Variants in TBC1D2 observed in about 807,000 individuals in gnomAD.
TBC1D2 encodes TBC1 domain family member 2, also known as TBC1 domain family member 2A.
Under a neutral mutation model 91.1 loss-of-function variants are expected in TBC1D2, and 58 were observed. The ratio of observed to expected loss-of-function variants is 0.64; its 90% CI spans 0.52 to 0.79. The LOEUF (loss-of-function observed/expected upper bound fraction) is 0.79, where lower values mean the gene tolerates loss of function less well. TBC1D2 is among the 30% of genes least tolerant of loss of function. The pLI is 0.00. For missense variants in TBC1D2, 1,080 were observed against 1,208.3 expected (o/e 0.89, Z 1.57); for synonymous variants, 482 against 511.5 (o/e 0.94, Z 0.78).
intron 5 of TBC1D2, among the ~76,000 whole-genome samples, 180 bp from the exon 6 acceptor site, chr9:98,221,408 C>A (rs1324269357): frequency 6.6e-6 from 1 of 152,224 alleles, no homozygotes; most frequent in Non-Finnish European, 1.5e-5. Context: ...TAGCTGGGCA[C>A]ATGGTTCCCC....
At chr9:98,211,951 C>T (rs1459772561) in intron 7 of TBC1D2, among the ~76,000 whole-genome samples, 1 of 152,144 alleles carries the variant, frequency 6.6e-6, no homozygotes, top group South Asian at 2.1e-4. Context: ...GTGTGCACCA[C>T]CACGCCCAGC....
chr9:98,227,596 A>G (rs1483377760), intron 5 of TBC1D2, among the ~76,000 whole-genome samples: 1 of 138,512 alleles, frequency 7.2e-6, no homozygotes, highest in Admixed American at 7.0e-5. Context: ...GTCTCTAATA[A>G]AAATACTAAA....
chr9:98,232,340 C>CTTTTTTTTTTTTTTTTTTTTTTTTTTTTT (rs1554754378), intron 4 of TBC1D2, among the ~76,000 whole-genome samples: 1 of 52,048 alleles, frequency 1.9e-5, no homozygotes, highest in African/African-American at 1.6e-4. Context: ...TTCTCTTTTT[C>CTTTTTTTTTTTTTTTTTTTTTTTTTTTTT]TGTTTTTTTT....
At position 98,244,075 on chromosome 9, in the gene TBC1D2, C is replaced by G. The variant is rs964771340; in HGVS notation, c.566G>C (p.Gly189Ala). The change falls in exon 3 of 13, where the codon GGG becomes GCG. Residue 189 changes from glycine to alanine, a missense_variant. Transcript: ENST00000465784. ...EFLCPVKTPP[G>A]LVGVAAALQP... Reference sequence around the variant, plus strand: ...CAAGGCAGCTGCCACGCCCACTAGCCCAGGGGGTGTTTTCACAGGGCACAG... The same window carrying G: ...CAAGGCAGCTGCCACGCCCACTAGCGCAGGGGGTGTTTTCACAGGGCACAG... 1 of 1,613,178 alleles carries G rather than the reference C, an allele frequency of 6.2e-7. No individual in the cohort carries two copies. The highest frequency in any genetic ancestry group is 8.5e-7 in the Non-Finnish European group (1 of 1,179,646).
At chr9:98,223,409 C>A (rs1233336152) in intron 5 of TBC1D2, among the ~76,000 whole-genome samples, 3 of 152,104 alleles carry the variant, frequency 2.0e-5, no homozygotes. Flanking sequence ...GATTGCAAAC[C>A]AAAAGGGAAT....
intron 1 of TBC1D2, among the ~76,000 whole-genome samples, chr9:98,254,151 G>C (rs374423401): frequency 6.6e-6 from 1 of 152,160 alleles, no homozygotes; most frequent in South Asian, 2.1e-4. Flanking sequence ...CACTTAGCTG[G>C]AGTTGGGGTT....
Position 98,244,733 on chromosome 9 carries a change from A to G in TBC1D2, c.512-604T>C, listed in dbSNP as rs574305824. ...TCTGAGAGTCCATCCTAAAGATGGA[A>G]GTGCAGACAAAACTTTATGTGCCAA... On this transcript the variant is annotated intron_variant, in intron 2 of 12. Transcript: ENST00000465784. 2.6e-5 allele frequency among the ~76,000 whole-genome samples: 4 copies of G among 151,124 alleles called. No homozygotes were observed. In the South Asian group the frequency reaches 6.3e-4, roughly 24 times the overall value.
At chr9:98,244,352 A>C (rs890664069) in intron 2 of TBC1D2, among the ~76,000 whole-genome samples, 3 of 152,196 alleles carry the variant, frequency 2.0e-5, no homozygotes, top group African/African-American at 7.2e-5. Context: ...GCCCTCCTGC[A>C]AACCCCTTAA....
At position 98,208,860 on chromosome 9, in the gene TBC1D2, T is replaced by C; in HGVS notation, c.1958A>G (p.Gln653Arg). 1 of 1,613,254 alleles carries C rather than the reference T, an allele frequency of 6.2e-7. No homozygotes were observed. ...GGCCTGGCCCCGGCTCAGCAGTTCCTGGTAGCAGCCTGGAGTGTGCAGGTG... is the reference window on the plus strand; with the variant it reads ...GGCCTGGCCCCGGCTCAGCAGTTCCCGGTAGCAGCCTGGAGTGTGCAGGTG... ...VQHLHTPGCY[Q>R]ELLSRGQARE... is the part of the protein sequence containing the mutation. The change falls in exon 9 of 13, where the codon CAG becomes CGG. Residue 653 changes from glutamine to arginine, a missense_variant. By Grantham distance (43) the Gln-to-Arg change is conservative. Coordinates refer to ENST00000465784, the MANE Select transcript of TBC1D2 (RefSeq NM_001267571.2).
At position 98,252,996 on chromosome 9, in the gene TBC1D2, ACT is replaced by A. The variant is rs1158326026; in HGVS notation, c.370-1072_370-1071del. On this transcript the variant is annotated intron_variant, in intron 1 of 12. Transcript: ENST00000465784. Reference sequence around the variant, plus strand: ...GCCCACCAGTGTTCTCTTTCCATACACTCTCTCAGAGAGACTGCAGCACCTCC... The same window carrying A: ...GCCCACCAGTGTTCTCTTTCCATACACTCTCAGAGAGACTGCAGCACCTCC... 5.3e-5 allele frequency among the ~76,000 whole-genome samples: 8 copies of A among 151,810 alleles called. No homozygotes were observed. The East Asian group carries it at 1.4e-3, about 26-fold the overall frequency.
intron 3 of TBC1D2, among the ~76,000 whole-genome samples, chr9:98,235,773 G>A (rs896957679): frequency 2.6e-5 from 4 of 152,122 alleles, no homozygotes; most frequent in African/African-American, 4.8e-5. Context: ...GGTGGCTCAC[G>A]CCTGTAATCC....
chr9:98,200,466 A>T (rs1424458219), intron 11 of TBC1D2, 92 bp from the exon 12 acceptor site: 1 of 1,244,564 alleles, frequency 8.0e-7, no homozygotes. Flanking sequence ...GGCAGTATGG[A>T]AGACCCTGGA....
intron 10 of TBC1D2, among the ~76,000 whole-genome samples, chr9:98,201,986 G>C (rs1455706377): frequency 6.6e-6 from 1 of 152,170 alleles, no homozygotes; most frequent in Non-Finnish European, 1.5e-5. Flanking sequence ...GAGGTCAGGG[G>C]CCAGCTGATC....
intron 4 of TBC1D2, among the ~76,000 whole-genome samples, chr9:98,231,751 T>C (rs1367111710): frequency 6.6e-6 from 1 of 152,202 alleles, no homozygotes; most frequent in Non-Finnish European, 1.5e-5. Flanking sequence ...TCCTTATTAA[T>C]CTAATGAGGA....
At chr9:98,247,009 C>T (rs934983875) in intron 2 of TBC1D2, among the ~76,000 whole-genome samples, 3 of 150,984 alleles carry the variant, frequency 2.0e-5, no homozygotes, top group Non-Finnish European at 4.4e-5. Context: ...GGTGTTGCGA[C>T]CTGGTTGCAA....
chr9:98,199,538 T>G lies in TBC1D2; in HGVS notation c.2630A>C (p.Gln877Pro), dbSNP rs777210199. Residue 877 changes from glutamine to proline, a missense_variant, in exon 13 of 13, where the codon CAG becomes CCG. By Grantham distance (76) the Gln-to-Pro change is moderately conservative. Coordinates refer to ENST00000465784, the MANE Select transcript of TBC1D2 (RefSeq NM_001267571.2). ...FNDMNPFRMKQLRQLRMVHRE... is the reference protein window; with the variant it reads ...FNDMNPFRMKPLRQLRMVHRE... ...GTGGACCATGCGCAGCTGCCGCAGCTGTTTCATGCGGAAGGGGTTCATGTC... is the reference window on the plus strand; with the variant it reads ...GTGGACCATGCGCAGCTGCCGCAGCGGTTTCATGCGGAAGGGGTTCATGTC... 6 of 1,614,046 alleles carry G rather than the reference T, an allele frequency of 3.7e-6. No homozygotes were observed. Among genetic ancestry groups the G allele is most frequent in the Non-Finnish European group, 5.1e-6 (6 of 1,180,054 alleles).
chr9:98,224,265 GTTTTTT>G (rs77684919), intron 5 of TBC1D2, among the ~76,000 whole-genome samples: 2 of 122,732 alleles, frequency 1.6e-5, no homozygotes, highest in Non-Finnish European at 3.2e-5. Context: ...TTTTTGAAGT[GTTTTTT>G]TTTCTTTTCT....
intron 9 of TBC1D2, among the ~76,000 whole-genome samples, chr9:98,205,172 C>A (rs1296615839): frequency 1.3e-5 from 2 of 152,214 alleles, no homozygotes; most frequent in Non-Finnish European, 2.9e-5. Flanking sequence ...CAAAGTCTAG[C>A]CCAGTGCTCT....
At chr9:98,253,153 CA>C (rs1829905723) in intron 1 of TBC1D2, among the ~76,000 whole-genome samples, 1 of 152,170 alleles carries the variant, frequency 6.6e-6, no homozygotes, top group Admixed American at 6.5e-5. Flanking sequence ...GCACTGAATA[CA>C]GGGGTGAGCC....
Sources: allele counts gnomAD v4.1 joint callset (sites outside exome capture counted in the v4.1 genomes callset), GRCh38; gene constraint gnomAD v4.1.1; transcripts MANE v1.5; gene names NCBI Gene and HGNC (gene_info 2026-07-23, HGNC 2026-07-21).